Variants in RAB6A observed in about 807,000 individuals in gnomAD.
RAB6A encodes RAB6A, member RAS oncogene family, also known as ras-related protein Rab-6A.
RAB6A carries 8 observed loss-of-function variants against 32.3 expected under a neutral mutation model. That is an observed-to-expected ratio of 0.25 (90% CI 0.15 to 0.45). The LOEUF is 0.45. RAB6A is among the 20% of genes least tolerant of loss of function. The pLI, the probability that RAB6A is intolerant of heterozygous loss-of-function variation, is 1.00. For missense variants in RAB6A, 104 were observed against 249.4 expected (o/e 0.42, Z 3.93); for synonymous variants, 73 against 82.1 (o/e 0.89, Z 0.60).
chr11:73,687,299 A>T (rs2134875288), intron 6 of RAB6A, among the ~76,000 whole-genome samples: 1 of 152,296 alleles, frequency 6.6e-6, no homozygotes, highest in South Asian at 2.1e-4. Flanking sequence ...TTCTGGATGG[A>T]TAGCAGTGAT....
intron 5 of RAB6A, among the ~76,000 whole-genome samples, chr11:73,709,856 TATACATATATACACATATAC>T (rs1945915029): frequency 3.9e-5 from 2 of 51,766 alleles, no homozygotes; most frequent in Non-Finnish European, 9.6e-5. Context: ...TATATACATA[TATACATATATACACATATAC>T]ATACATATAT....
intron 6 of RAB6A, among the ~76,000 whole-genome samples, chr11:73,695,056 TTTTTAATCTATAG>T (rs1185364917): frequency 1.3e-5 from 2 of 152,044 alleles, no homozygotes; most frequent in Non-Finnish European, 2.9e-5. Flanking sequence ...TATCCAAATT[TTTTTAATCTATAG>T]TTTTAATCTA....
In RAB6A at chr11:73,716,145, C is replaced by T. The variant is rs577759852; in HGVS notation, c.401+106G>A. 397 of 814,186 alleles carry T rather than the reference C, an allele frequency of 4.9e-4. 2 individuals carry two copies. The South Asian group carries it at 6.8e-3, about 14-fold the overall frequency. 50.4% of individuals were successfully genotyped at this position (814,186 alleles called of 1,614,324 possible). ...AAAGAAAAGCAGGGGAGGACGTAAA[C>T]TTAAGGATTAAGCATGTCTCCTTTC... On this transcript the variant is annotated intron_variant, in intron 5 of 7. Transcript: ENST00000336083.
chr11:73,703,421 A>G (rs2134910494), intron 6 of RAB6A, among the ~76,000 whole-genome samples: 1 of 152,298 alleles, frequency 6.6e-6, no homozygotes, highest in Middle Eastern at 3.4e-3. Flanking sequence ...TTTGTTGTTT[A>G]GTGGGGAGGC....
At chr11:73,759,993 A>G (rs901139081) in intron 1 of RAB6A, 1 of 1,277,510 alleles carries the variant, frequency 7.8e-7, no homozygotes, top group African/African-American at 1.5e-5. Flanking sequence ...GGCCCAGACT[A>G]ATTTCCCACC....
chr11:73,715,032 T>C (rs1027817788), intron 5 of RAB6A, among the ~76,000 whole-genome samples: 2 of 152,184 alleles, frequency 1.3e-5, no homozygotes, highest in Non-Finnish European at 2.9e-5. Context: ...ATTTCCTTCA[T>C]AGCAGTTCAT....
At chr11:73,691,790 G>A (rs1246149949) in intron 6 of RAB6A, among the ~76,000 whole-genome samples, 2 of 152,146 alleles carry the variant, frequency 1.3e-5, no homozygotes, top group South Asian at 2.1e-4. Flanking sequence ...GGGAAACCCC[G>A]TCTCTACTAA....
intron 1 of RAB6A, among the ~76,000 whole-genome samples, chr11:73,759,023 TC>T (rs1274987052): frequency 1.3e-5 from 2 of 152,184 alleles, no homozygotes; most frequent in Non-Finnish European, 2.9e-5. Flanking sequence ...AAAAATGATT[TC>T]CCAGTTCTAA....
chr11:73,757,908 A>G (rs2135024939), intron 1 of RAB6A, among the ~76,000 whole-genome samples: 1 of 152,368 alleles, frequency 6.6e-6, no homozygotes, highest in Non-Finnish European at 1.5e-5. Flanking sequence ...ATGGGGACAC[A>G]CTGAACAAAA....
In RAB6A at chr11:73,676,320, T is replaced by C. The variant is rs1291584964; in HGVS notation, c.*1578A>G. 1 of 167,136 alleles carries C rather than the reference T, an allele frequency of 6.0e-6. No individual in the cohort carries two copies. Among genetic ancestry groups the C allele is most frequent in the East Asian group, 1.9e-4 (1 of 5,210 alleles). The allele number at this position is 167,136 out of a possible 1,614,324, so 10.4% of individuals were successfully genotyped here. A position where few individuals can be genotyped will look rare whatever the true frequency, so the allele number is the denominator to read the frequency against. On this transcript the variant is annotated 3_prime_UTR_variant, in exon 8 of 8. Coordinates refer to ENST00000336083, the MANE Select transcript of RAB6A (RefSeq NM_198896.2). ...GTTTTCGTCCTGCAAACAATGTATT[T>C]ACAAATGTGTTTATTAGCTTACACA...
At chr11:73,758,954 G>C (rs1463925010) in intron 1 of RAB6A, among the ~76,000 whole-genome samples, 1 of 152,102 alleles carries the variant, frequency 6.6e-6, no homozygotes, top group East Asian at 1.9e-4. Flanking sequence ...AAAAAGGAGG[G>C]AGATTGTATT....
intron 6 of RAB6A, among the ~76,000 whole-genome samples, chr11:73,681,146 C>T (rs2134862169): frequency 6.6e-6 from 1 of 152,190 alleles, no homozygotes; most frequent in South Asian, 2.1e-4. Context: ...TATCAGGCAG[C>T]CTCATTCTGT....
At chr11:73,704,396 T>C (rs1346382509) in intron 6 of RAB6A, among the ~76,000 whole-genome samples, 1 of 143,988 alleles carries the variant, frequency 6.9e-6, no homozygotes, top group African/African-American at 2.6e-5. Context: ...AAAATAAAAA[T>C]AAGAAGGGCC....
At chr11:73,718,262 A>G (rs1433165850) in intron 4 of RAB6A, among the ~76,000 whole-genome samples, 1 of 152,176 alleles carries the variant, frequency 6.6e-6, no homozygotes, top group African/African-American at 2.4e-5. Flanking sequence ...ACCTGGCAAG[A>G]GACTTAAATG....
intron 1 of RAB6A, among the ~76,000 whole-genome samples, chr11:73,757,098 C>T (rs1201787347): frequency 1.6e-4 from 6 of 37,668 alleles, no homozygotes; most frequent in East Asian, 7.2e-4. Flanking sequence ...AATATACATA[C>T]ATATATATAT....
intron 5 of RAB6A, among the ~76,000 whole-genome samples, chr11:73,708,237 C>T (rs956333069): frequency 2.6e-5 from 4 of 152,146 alleles, no homozygotes; most frequent in Non-Finnish European, 5.9e-5. Context: ...GGCGCGATCT[C>T]AGCTCACTGC....
Position 73,676,292 on chromosome 11 carries a change from G to C in RAB6A, c.*1606C>G, listed in dbSNP as rs1039631798. On this transcript the variant is annotated 3_prime_UTR_variant, in exon 8 of 8. Coordinates refer to ENST00000336083, the MANE Select transcript of RAB6A (RefSeq NM_198896.2). ...CAGGCTTTTCCTGAGCTGTAACTCA[G>C]AAGTTTTCGTCCTGCAAACAATGTA... 1.8e-5 allele frequency: 3 copies of C among 167,084 alleles called. No individual in the cohort carries two copies. In the South Asian group the frequency reaches 6.2e-4, roughly 35 times the overall value. 10.4% of individuals were successfully genotyped at this position (167,084 alleles called of 1,614,324 possible).
intron 2 of RAB6A, among the ~76,000 whole-genome samples, chr11:73,721,533 A>G (rs1946132915): frequency 6.6e-6 from 1 of 152,210 alleles, no homozygotes; most frequent in African/African-American, 2.4e-5. Context: ...AAATGGTGAA[A>G]TAATAAGAGA....
chr11:73,704,101 G>T (rs566008706), intron 6 of RAB6A: 2 of 243,460 alleles, frequency 8.2e-6, no homozygotes, highest in Admixed American at 8.7e-5. Flanking sequence ...ACTAAAAATC[G>T]ACCAGGCAGA....
Sources: gnomAD v4.1 joint callset for allele counts (sites outside exome capture counted in the v4.1 genomes callset) on GRCh38, gnomAD v4.1.1 for gene constraint, MANE v1.5 for transcripts, NCBI Gene and HGNC (gene_info 2026-07-23, HGNC 2026-07-21) for gene names.